ABLIM2: variants seen among roughly 807,000 people sequenced by gnomAD.
ABLIM2 encodes actin binding LIM protein family member 2, also known as actin-binding LIM protein 2.
A neutral mutation model predicts 97.7 loss-of-function variants in ABLIM2; 53 were observed. The ratio of observed to expected loss-of-function variants is 0.54; its 90% CI spans 0.44 to 0.68. The LOEUF (loss-of-function observed/expected upper bound fraction) is 0.68, where lower values mean the gene tolerates loss of function less well. ABLIM2 is among the 30% of genes least tolerant of loss of function. The pLI, the probability that ABLIM2 is intolerant of heterozygous loss-of-function variation, is 0.00. For synonymous variants in ABLIM2, 361 were observed against 345.8 expected (o/e 1.04, Z -0.49); for missense variants, 835 against 867.2 (o/e 0.96, Z 0.47).
intron 1 of ABLIM2, among the ~76,000 whole-genome samples, chr4:8,135,524 C>G (rs1850061218): frequency 6.6e-6 from 1 of 152,190 alleles, no homozygotes; most frequent in South Asian, 2.1e-4. Flanking sequence ...CTCCCTCGCC[C>G]CTTCTGAGTG....
At position 8,069,928 on chromosome 4, in the gene ABLIM2, GTGTT is replaced by G. The variant is rs377389154; in HGVS notation, c.675+7696_675+7699del. Among the ~76,000 whole-genome samples, 79 of 152,132 alleles carry G rather than the reference GTGTT, an allele frequency of 5.2e-4. No individual in the cohort carries two copies. The highest frequency in any genetic ancestry group is 1.7e-3 in the South Asian group (8 of 4,812). On this transcript the variant is annotated intron_variant, in intron 6 of 20. Coordinates refer to ENST00000447017, the MANE Select transcript of ABLIM2 (RefSeq NM_001130083.2). The surrounding 1 kb of genome is among the most constrained non-coding windows in gnomAD (Gnocchi z 4.2). Reference sequence around the variant, plus strand: ...GTGTGTGTCATGTGTTTCTTTCTGTGTGTTTATTTCCATGTGTGTTGTTTGTGTG... The same window carrying G: ...GTGTGTGTCATGTGTTTCTTTCTGTGTATTTCCATGTGTGTTGTTTGTGTG...
At position 7,974,377 on chromosome 4, in the gene ABLIM2, A is replaced by C. The variant is rs373303922; in HGVS notation, c.1825-7274T>G. Among the ~76,000 whole-genome samples, 5 of 148,720 alleles carry C rather than the reference A, an allele frequency of 3.4e-5. No homozygotes were observed. In the East Asian group the frequency reaches 5.9e-4, roughly 18 times the overall value. ...CATCCACTCCTCCATTCATCCATCC[A>C]TCCACCCATCCACCCATCCATCCAC... On this transcript the variant is annotated intron_variant, in intron 20 of 20. Transcript: ENST00000447017.
In ABLIM2 at chr4:8,144,135, G is replaced by C. The variant is rs546025860; in HGVS notation, c.10+14545C>G. 3.3e-5 allele frequency among the ~76,000 whole-genome samples: 5 copies of C among 152,334 alleles called. No individual in the cohort carries two copies. In the East Asian group the frequency reaches 7.7e-4, roughly 24 times the overall value. ...TGCTGGCATCTCCTGCTGGGCCACAGGGGTGCCTGGCAGAGTTGGGGAAAG... is the reference window on the plus strand; with the variant it reads ...TGCTGGCATCTCCTGCTGGGCCACACGGGTGCCTGGCAGAGTTGGGGAAAG... On this transcript the variant is annotated intron_variant, in intron 1 of 20. Transcript: ENST00000447017.
intron 14 of ABLIM2, among the ~76,000 whole-genome samples, chr4:8,013,219 C>CTTTTTTTT (rs60424207): frequency 4.5e-5 from 5 of 110,596 alleles, no homozygotes; most frequent in Admixed American, 1.0e-4. Flanking sequence ...AACATTTTTC[C>CTTTTTTTT]TTTTTTTTTT....
chr4:8,030,361 T>C (rs1463736387), intron 10 of ABLIM2, among the ~76,000 whole-genome samples: 1 of 152,126 alleles, frequency 6.6e-6, no homozygotes, highest in Non-Finnish European at 1.5e-5. Flanking sequence ...CGTGGCACCA[T>C]GGCACGGGGG....
chr4:8,111,565 CA>C (rs1840328467), intron 1 of ABLIM2, among the ~76,000 whole-genome samples: 5 of 152,210 alleles, frequency 3.3e-5, no homozygotes, highest in Non-Finnish European at 7.3e-5. Flanking sequence ...GATGGGAGCA[CA>C]TCGGAACTCT....
At chr4:8,060,898 C>G in intron 7 of ABLIM2, 69 bp downstream of exon 7, 1 of 1,285,106 alleles carries the variant, frequency 7.8e-7, no homozygotes, top group Non-Finnish European at 1.1e-6. Flanking sequence ...TCACACCCAG[C>G]ATGTGTGTGG....
chr4:8,073,695 C>T (rs1577196469), intron 6 of ABLIM2, among the ~76,000 whole-genome samples: 1 of 152,222 alleles, frequency 6.6e-6, no homozygotes, highest in South Asian at 2.1e-4. Flanking sequence ...CATCTGCAGC[C>T]TTATGTGATC....
chr4:8,149,693 G>A lies in ABLIM2; in HGVS notation c.10+8987C>T, dbSNP rs1711936929. Among the ~76,000 whole-genome samples the A allele has an allele frequency of 6.6e-6, 1 of 152,024 alleles. No individual in the cohort carries two copies. The highest frequency in any genetic ancestry group is 6.6e-5 in the Admixed American group (1 of 15,264). On this transcript the variant is annotated intron_variant, in intron 1 of 20. Coordinates refer to ENST00000447017, the MANE Select transcript of ABLIM2 (RefSeq NM_001130083.2). This position sits in a 1 kb window ranked among gnomAD's most constrained non-coding sequence, Gnocchi z 6.4. ...GCACATAGTAGGTGCTTAATAAATA[G>A]TCGTGGAGGGACAGAAGGGACATTC... is the stretch of plus-strand genomic sequence containing the variant.
chr4:8,069,186 G>A lies in ABLIM2; in HGVS notation c.676-8132C>T, dbSNP rs532781982. ...GAGCCTCAGGAGCGCTTGGCCCAGCGGCCTCATTCTCTGCTGTACCCCGGC... is the reference window on the plus strand; with the variant it reads ...GAGCCTCAGGAGCGCTTGGCCCAGCAGCCTCATTCTCTGCTGTACCCCGGC... On this transcript the variant is annotated intron_variant, in intron 6 of 20. Coordinates refer to ENST00000447017, the MANE Select transcript of ABLIM2 (RefSeq NM_001130083.2). The surrounding 1 kb of genome is among the most constrained non-coding windows in gnomAD (Gnocchi z 4.2). Among the ~76,000 whole-genome samples the A allele has an allele frequency of 6.6e-6, 1 of 152,388 alleles. No individual in the cohort carries two copies. The highest frequency in any genetic ancestry group is 6.5e-5 in the Admixed American group (1 of 15,312).
At chr4:8,101,063 A>G (rs915550528) in intron 2 of ABLIM2, among the ~76,000 whole-genome samples, 7 of 152,242 alleles carry the variant, frequency 4.6e-5, no homozygotes, top group Non-Finnish European at 7.3e-5. Flanking sequence ...GGGACCACCC[A>G]AGGTGCTGTC....
intron 6 of ABLIM2, among the ~76,000 whole-genome samples, chr4:8,076,236 G>C (rs1815942207): frequency 6.6e-6 from 1 of 152,230 alleles, no homozygotes; most frequent in Non-Finnish European, 1.5e-5. Flanking sequence ...TTTGAAAGAA[G>C]GTGGCCTGAG....
In ABLIM2 at chr4:8,127,730, C is replaced by T. The variant is rs989590766; in HGVS notation, c.11-21093G>A. 5.2e-5 allele frequency: 51 copies of T among 984,810 alleles called. No homozygotes were observed. In the East Asian group the frequency reaches 6.8e-4, roughly 13 times the overall value. 61.0% of individuals were successfully genotyped at this position (984,810 alleles called of 1,614,324 possible). ...CACGTGGCAGCTGCCACCCTCTGCC[C>T]GGGGAGGGGCAGAGCCAAGCCCTTC... On this transcript the variant is annotated intron_variant, in intron 1 of 20. Coordinates refer to ENST00000447017, the MANE Select transcript of ABLIM2 (RefSeq NM_001130083.2). This position sits in a 1 kb window ranked among gnomAD's most constrained non-coding sequence, Gnocchi z 7.3.
rs1487862338 is a variant in ABLIM2 at position 8,055,237 on chromosome 4, T to C, written c.764-991A>G. ...TGGGGGACTCAGTGAATGTCAACTCTCTCTGCCCACCTTCCCATCCTTCAG... is the reference window on the plus strand; with the variant it reads ...TGGGGGACTCAGTGAATGTCAACTCCCTCTGCCCACCTTCCCATCCTTCAG... On this transcript the variant is annotated intron_variant, in intron 7 of 20. Coordinates refer to ENST00000447017, the MANE Select transcript of ABLIM2 (RefSeq NM_001130083.2). Among the ~76,000 whole-genome samples the C allele has an allele frequency of 1.3e-5, 2 of 152,226 alleles. 1 individual carries two copies. The highest frequency in any genetic ancestry group is 1.3e-4 in the Admixed American group (2 of 15,288).
chr4:8,124,495 G>A lies in ABLIM2; in HGVS notation c.11-17858C>T, dbSNP rs562552124. ...CCTGCTCTGGGCATTTCATGCGAAC[G>A]GAATCCCACACTGCGTGGTCCTTCG... On this transcript the variant is annotated intron_variant, in intron 1 of 20. Transcript: ENST00000447017. This position sits in a 1 kb window ranked among gnomAD's most constrained non-coding sequence, Gnocchi z 6.1. 2.0e-5 allele frequency among the ~76,000 whole-genome samples: 3 copies of A among 151,972 alleles called. No individual in the cohort carries two copies. The highest frequency in any genetic ancestry group is 4.4e-5 in the Non-Finnish European group (3 of 67,988).
In ABLIM2 at chr4:8,036,057, G is replaced by T. The variant is rs971353629; in HGVS notation, c.1047+92C>A. 3 of 1,464,848 alleles carry T rather than the reference G, an allele frequency of 2.0e-6. No individual in the cohort carries two copies. In the African/African-American group the frequency reaches 4.2e-5, roughly 20 times the overall value. The allele number at this position is 1,464,848 out of a possible 1,614,324, so 90.7% of individuals were successfully genotyped here. A position where few individuals can be genotyped will look rare whatever the true frequency, so the allele number is the denominator to read the frequency against. Reference sequence around the variant, plus strand: ...AGTGGTGAAGATGGAAGTGGCTCTGGCCCCATAGGACACATGCTAGGGATG... The same window carrying T: ...AGTGGTGAAGATGGAAGTGGCTCTGTCCCCATAGGACACATGCTAGGGATG... On this transcript the variant is annotated intron_variant, in intron 10 of 20. Transcript: ENST00000447017.
intron 1 of ABLIM2, among the ~76,000 whole-genome samples, chr4:8,108,733 T>A (rs1838762782): frequency 6.6e-6 from 1 of 152,222 alleles, no homozygotes; most frequent in Admixed American, 6.5e-5. Flanking sequence ...CCAGGAGCCA[T>A]CCTTTCCCCT....
intron 8 of ABLIM2, among the ~76,000 whole-genome samples, chr4:8,047,650 C>T (rs767105418): frequency 1.3e-5 from 2 of 152,174 alleles, no homozygotes; most frequent in Non-Finnish European, 1.5e-5. Flanking sequence ...TGGGCCAGGT[C>T]GAATGTTTTA....
chr4:8,057,355 G>C (rs1213439162), intron 7 of ABLIM2, among the ~76,000 whole-genome samples: 1 of 152,100 alleles, frequency 6.6e-6, no homozygotes, highest in Non-Finnish European at 1.5e-5. Flanking sequence ...CAAAGTGCTG[G>C]AATTACAGGC....
Sources: allele counts gnomAD v4.1 joint callset (sites outside exome capture counted in the v4.1 genomes callset), GRCh38; gene constraint gnomAD v4.1.1; non-coding constraint Gnocchi (gnomAD v3.1); transcripts MANE v1.5; gene names NCBI Gene and HGNC (gene_info 2026-07-23, HGNC 2026-07-21).